The following AGAP1 variants were observed in gnomAD, a reference collection of about 807,000 sequenced individuals.
The protein encoded by AGAP1 is arf-GAP with GTPase, ANK repeat and PH domain-containing protein 1.
In AGAP1, 29 loss-of-function variants were observed where a neutral mutation model predicts 105.3. The observed-to-expected ratio is 0.28, with a 90% CI of 0.21 to 0.38. The LOEUF (loss-of-function observed/expected upper bound fraction) is 0.38, where lower values mean the gene tolerates loss of function less well. AGAP1 is among the 10% of genes least tolerant of loss of function. AGAP1 has a pLI of 1.00. For missense variants in AGAP1, 998 were observed against 1,165.1 expected (o/e 0.86, Z 2.09); for synonymous variants, 509 against 485.9 (o/e 1.05, Z -0.63).
At chr2:235,554,794 C>T (rs1031923877) in intron 1 of AGAP1, among the ~76,000 whole-genome samples, 12 of 152,118 alleles carry the variant, frequency 7.9e-5, no homozygotes, top group African/African-American at 2.7e-4. Context: ...CTCAGCCTCC[C>T]GTGTAGCTGG....
chr2:235,648,780 G>A (rs1000083492), intron 1 of AGAP1, among the ~76,000 whole-genome samples: 3 of 151,880 alleles, frequency 2.0e-5, no homozygotes, highest in African/African-American at 4.8e-5. Context: ...CCAGCTACTC[G>A]GGAGGCTGAG....
At chr2:236,006,937 T>G (rs1365453399) in intron 13 of AGAP1, among the ~76,000 whole-genome samples, 1 of 152,224 alleles carries the variant, frequency 6.6e-6, no homozygotes, top group Non-Finnish European at 1.5e-5. Flanking sequence ...TATTCCGTTG[T>G]TGTGTTAGCC....
intron 1 of AGAP1, among the ~76,000 whole-genome samples, chr2:235,547,473 C>T (rs1943664688): frequency 6.6e-6 from 1 of 151,884 alleles, no homozygotes; most frequent in South Asian, 2.1e-4. Flanking sequence ...ATTCTCCTGC[C>T]TTAGCCTCCA....
In AGAP1 at chr2:235,660,475, A is replaced by G. The variant is rs1405968052; in HGVS notation, c.164-48704A>G. Among the ~76,000 whole-genome samples, 1 of 152,158 alleles carries G rather than the reference A, an allele frequency of 6.6e-6. No individual in the cohort carries two copies. The highest frequency in any genetic ancestry group is 2.1e-4 in the South Asian group (1 of 4,814). On this transcript the variant is annotated intron_variant, in intron 1 of 17. Coordinates refer to ENST00000304032, the MANE Select transcript of AGAP1 (RefSeq NM_001037131.3). This position sits in a 1 kb window ranked among gnomAD's most constrained non-coding sequence, Gnocchi z 5.3. ...GTCCTTAACTGAAGGAGGGGGTTCT[A>G]TAAATGGAAGTGTCAGAGCAGGGTG...
At chr2:235,829,285 A>C (rs185041305) in intron 9 of AGAP1, among the ~76,000 whole-genome samples, 2 of 152,360 alleles carry the variant, frequency 1.3e-5, no homozygotes, top group East Asian at 3.9e-4. Context: ...GGCCGTTGTC[A>C]GAATTCCACT....
At chr2:235,822,479 G>GAGCTGGAGAAGCTCAAGAATGAAGAGA (rs367687058) in intron 9 of AGAP1, among the ~76,000 whole-genome samples, 2,418 of 151,600 alleles carry the variant, frequency 0.016, 46 homozygotes, top group African/African-American at 0.052. Context: ...GGGTGAGGAA[G>GAGCTGGAGAAGCTCAAGAATGAAGAGA]AGCTGGAGAA....
At chr2:235,881,342 C>T (rs1368940317) in intron 9 of AGAP1, among the ~76,000 whole-genome samples, 1 of 152,152 alleles carries the variant, frequency 6.6e-6, no homozygotes, top group East Asian at 1.9e-4. Flanking sequence ...GAAGGTGACT[C>T]GTGGGGCATC....
chr2:235,928,867 C>T (rs1308584636), intron 11 of AGAP1, among the ~76,000 whole-genome samples: 1 of 152,212 alleles, frequency 6.6e-6, no homozygotes, highest in Non-Finnish European at 1.5e-5. Context: ...GCTGCTCCTC[C>T]ACGTCTCTTA....
intron 12 of AGAP1, among the ~76,000 whole-genome samples, chr2:235,946,178 C>G (rs894464828): frequency 2.6e-5 from 4 of 151,744 alleles, no homozygotes; most frequent in Non-Finnish European, 5.9e-5. Flanking sequence ...AAACTCAGTC[C>G]TACACAAAGC....
At chr2:235,647,785 C>G (rs1193674513) in intron 1 of AGAP1, among the ~76,000 whole-genome samples, 1 of 152,080 alleles carries the variant, frequency 6.6e-6, no homozygotes, top group Non-Finnish European at 1.5e-5. Context: ...TAATTTCATC[C>G]TGATTTTACT....
At chr2:236,013,420 G>A (rs1315611098) in intron 13 of AGAP1, among the ~76,000 whole-genome samples, 1 of 152,156 alleles carries the variant, frequency 6.6e-6, no homozygotes, top group Non-Finnish European at 1.5e-5. Context: ...GGAGAATTTT[G>A]GCTCAAACAC....
In AGAP1 at chr2:235,934,749, G is replaced by A. The variant is rs932288519; in HGVS notation, c.1483+3826G>A. The stretch of plus-strand genomic sequence containing the variant: ...TTTGGATTTCAGAGTCGCTTACTCT[G>A]TGCTGGCAGCAGGAATGAATGGGGA... On this transcript the variant is annotated intron_variant, in intron 12 of 17. Coordinates refer to ENST00000304032, the MANE Select transcript of AGAP1 (RefSeq NM_001037131.3). This position sits in a 1 kb window ranked among gnomAD's most constrained non-coding sequence, Gnocchi z 4.9. Among the ~76,000 whole-genome samples the A allele has an allele frequency of 2.0e-5, 3 of 151,926 alleles. No individual in the cohort carries two copies. The highest frequency in any genetic ancestry group is 1.5e-5 in the Non-Finnish European group (1 of 68,020).
intron 9 of AGAP1, among the ~76,000 whole-genome samples, chr2:235,876,406 G>A (rs551328955): frequency 6.6e-6 from 1 of 152,150 alleles, no homozygotes. Flanking sequence ...CCCGGCCCTT[G>A]CGTGCTAAAC....
At position 235,799,252 on chromosome 2, in the gene AGAP1, C is replaced by T. The variant is rs2292707; in HGVS notation, c.802-115C>T. The T allele has an allele frequency of 0.3, 360,029 of 1,219,984 alleles. 55,304 individuals carry two copies. Among genetic ancestry groups the T allele is most frequent in the Admixed American group, 0.48 (22,076 of 46,008 alleles). The allele number at this position is 1,219,984 out of a possible 1,614,324, so 75.6% of individuals were successfully genotyped here. ...AGCCATAGACGCAAGTCAGCCATTC[C>T]CATGCATCCCTTCCATGGGGCTCAT... On this transcript the variant is annotated intron_variant, in intron 7 of 17. Transcript: ENST00000304032. The surrounding 1 kb of genome is among the most constrained non-coding windows in gnomAD (Gnocchi z 5.0).
rs972819437 is a variant in AGAP1 at position 235,792,164 on chromosome 2, C to T, written c.674-5595C>T. Among the ~76,000 whole-genome samples, 1 of 152,164 alleles carries T rather than the reference C, an allele frequency of 6.6e-6. No individual in the cohort carries two copies. Among genetic ancestry groups the T allele is most frequent in the Non-Finnish European group, 1.5e-5 (1 of 68,040 alleles). On this transcript the variant is annotated intron_variant, in intron 6 of 17. Transcript: ENST00000304032. This position sits in a 1 kb window ranked among gnomAD's most constrained non-coding sequence, Gnocchi z 5.3. ...TCCCAGTAGCAGAGGAACCCTCTTC[C>T]CAAACGTGGGCTTGATTTACACCGA...
At position 235,494,675 on chromosome 2, in the gene AGAP1, G is replaced by T; in HGVS notation, c.-12G>T. ...GCGGGGGGCGCGCGGCTCCGGGCGC[G>T]GCGCCTGCACCATGAACTACCAGCA... On this transcript the variant is annotated 5_prime_UTR_variant, in exon 1 of 18. Coordinates refer to ENST00000304032, the MANE Select transcript of AGAP1 (RefSeq NM_001037131.3). The T allele has an allele frequency of 7.7e-7, 1 of 1,301,876 alleles. No individual in the cohort carries two copies. Among genetic ancestry groups the T allele is most frequent in the Non-Finnish European group, 1.0e-6 (1 of 1,001,748 alleles). 80.6% of individuals were successfully genotyped at this position (1,301,876 alleles called of 1,614,324 possible). A position where few individuals can be genotyped will look rare whatever the true frequency, so the allele number is the denominator to read the frequency against.
At position 235,793,933 on chromosome 2, in the gene AGAP1, TG is replaced by T. The variant is rs376166674; in HGVS notation, c.674-3825del. Among the ~76,000 whole-genome samples, 7 of 152,346 alleles carry T rather than the reference TG, an allele frequency of 4.6e-5. No individual in the cohort carries two copies. Among genetic ancestry groups the T allele is most frequent in the African/African-American group, 9.6e-5 (4 of 41,578 alleles). ...AAGTAAATGTATACCTCACTTTTTT[TG>T]TTAAGTTCTTAAACTTTTTTTTTAT... On this transcript the variant is annotated intron_variant, in intron 6 of 17. Transcript: ENST00000304032. The surrounding 1 kb of genome is among the most constrained non-coding windows in gnomAD (Gnocchi z 5.3).
chr2:235,898,376 C>T (rs1257511913), intron 10 of AGAP1, among the ~76,000 whole-genome samples: 1 of 150,948 alleles, frequency 6.6e-6, no homozygotes, highest in Non-Finnish European at 1.5e-5. Context: ...AAATGTCTGA[C>T]TACCATATAC....
chr2:235,803,574 G>C (rs1355720400), intron 8 of AGAP1, among the ~76,000 whole-genome samples: 1 of 152,144 alleles, frequency 6.6e-6, no homozygotes, highest in Non-Finnish European at 1.5e-5. Flanking sequence ...TTATTTATTA[G>C]AACATCATAA....
Sources: allele counts gnomAD v4.1 joint callset (sites outside exome capture counted in the v4.1 genomes callset), GRCh38; gene constraint gnomAD v4.1.1; non-coding constraint Gnocchi (gnomAD v3.1); transcripts MANE v1.5; gene names NCBI Gene and HGNC (gene_info 2026-07-23, HGNC 2026-07-21).